Variants in ST3GAL3 observed in about 807,000 individuals in gnomAD.
The protein encoded by ST3GAL3 is CMP-N-acetylneuraminate-beta-1,4-galactoside alpha-2,3-sialyltransferase.
A neutral mutation model predicts 50.1 loss-of-function variants in ST3GAL3; 21 were observed. The ratio of observed to expected loss-of-function variants is 0.42; its 90% CI spans 0.30 to 0.60. ST3GAL3 has a LOEUF of 0.60. Ranked by LOEUF, ST3GAL3 falls within the 20% of genes least tolerant of loss-of-function variation. The pLI is 0.19. For synonymous variants in ST3GAL3, 183 were observed against 190.0 expected (o/e 0.96, Z 0.30); for missense variants, 353 against 489.4 (o/e 0.72, Z 2.63).
chr1:43,826,069 C>T (rs2062754076), intron 4 of ST3GAL3, among the ~76,000 whole-genome samples: 1 of 151,564 alleles, frequency 6.6e-6, no homozygotes, highest in Non-Finnish European at 1.5e-5. Context: ...AACTTGAGAC[C>T]AGCCTGGGCA....
chr1:43,851,352 C>A (rs372300285), intron 5 of ST3GAL3: 8 of 1,557,734 alleles, frequency 5.1e-6, no homozygotes, highest in Non-Finnish European at 3.5e-6. Flanking sequence ...TCCACCAGGG[C>A]AGTTACACTC....
At chr1:43,707,775 CG>C (rs1203069573) in intron 1 of ST3GAL3, 82 bp downstream of exon 1, 1 of 152,058 alleles carries the variant, frequency 6.6e-6, no homozygotes, top group Non-Finnish European at 1.5e-5. Flanking sequence ...CCTCCCCCGC[CG>C]GCCGCGGGTC....
chr1:43,771,884 A>C, intron 2 of ST3GAL3: 1 of 398,470 alleles, frequency 2.5e-6, no homozygotes, highest in Non-Finnish European at 4.4e-6. Context: ...TTTTTTACAG[A>C]AGATGGCCTG....
chr1:43,826,032 G>A (rs550011287), intron 4 of ST3GAL3, among the ~76,000 whole-genome samples: 14 of 152,164 alleles, frequency 9.2e-5, no homozygotes, highest in African/African-American at 2.6e-4. Context: ...TTGGAAGGCT[G>A]AGGCAGGAGG....
At chr1:43,912,622 T>C (rs1409449445) in intron 9 of ST3GAL3, 1 of 152,118 alleles carries the variant, frequency 6.6e-6, no homozygotes, top group Non-Finnish European at 1.5e-5. Flanking sequence ...GCAGGGAGCA[T>C]AGGCGTGGAC....
At chr1:43,905,192 C>T (rs1259941069) in intron 9 of ST3GAL3, among the ~76,000 whole-genome samples, 3 of 111,246 alleles carry the variant, frequency 2.7e-5, no homozygotes, top group African/African-American at 6.1e-5. Flanking sequence ...TCTCTTCCTG[C>T]CACTCTTCCT....
intron 1 of ST3GAL3, among the ~76,000 whole-genome samples, chr1:43,734,599 T>C (rs1677550523): frequency 6.6e-6 from 1 of 152,146 alleles, no homozygotes. Context: ...CGTGAGCCAC[T>C]GTGCCCAGCC....
rs1553140060 is a variant in ST3GAL3 at position 43,920,490 on chromosome 1, C to T, written c.831C>T (p.Ile277=). Residue 277 remains isoleucine, a synonymous_variant, in exon 10 of 12, where the codon ATC becomes ATT. Transcript: ENST00000347631. ...PEIRILNPYF[I]QEAAFTLIGL... Reference sequence around the variant, plus strand: ...TTCGAATCCTCAACCCATATTTCATCCAGGAGGCCGCCTTCACCCTCATTG... The same window carrying T: ...TTCGAATCCTCAACCCATATTTCATTCAGGAGGCCGCCTTCACCCTCATTG... The T allele has an allele frequency of 6.2e-7, 1 of 1,614,222 alleles. No individual in the cohort carries two copies. The highest frequency in any genetic ancestry group is 1.1e-5 in the South Asian group (1 of 91,086).
intron 3 of ST3GAL3, among the ~76,000 whole-genome samples, chr1:43,810,329 G>A (rs1384524594): frequency 1.3e-5 from 2 of 152,120 alleles, no homozygotes; most frequent in Non-Finnish European, 2.9e-5. Context: ...AGCCTCCCCT[G>A]GAGAGCCTCA....
intron 9 of ST3GAL3, 97 bp from the exon 10 acceptor site, chr1:43,920,307 C>T (rs180765821): frequency 4.3e-5 from 66 of 1,519,276 alleles, no homozygotes; most frequent in Middle Eastern, 3.8e-4. Flanking sequence ...ACGCCTCATG[C>T]TCCCGCCTCA....
rs559934453 is a variant in ST3GAL3, at chr1:43,909,229, AG to A, written c.744+9503del. Among the ~76,000 whole-genome samples, 12 of 152,370 alleles carry A rather than the reference AG, an allele frequency of 7.9e-5. No homozygotes were observed. The East Asian group carries it at 2.3e-3, about 29-fold the overall frequency. On this transcript the variant is annotated intron_variant, in intron 9 of 11. Coordinates refer to ENST00000347631, the MANE Select transcript of ST3GAL3 (RefSeq NM_006279.5). Reference sequence around the variant, plus strand: ...TTCTAACTCCAAACTCCTGCCTCTCAGTCAGGCTCTTTCCTCTCAACTAGGC... The same window carrying A: ...TTCTAACTCCAAACTCCTGCCTCTCATCAGGCTCTTTCCTCTCAACTAGGC...
At chr1:43,848,455 G>T (rs1313584043) in intron 5 of ST3GAL3, among the ~76,000 whole-genome samples, 1 of 151,552 alleles carries the variant, frequency 6.6e-6, no homozygotes, top group African/African-American at 2.4e-5. Context: ...ACAAGCATGC[G>T]CCACCACACC....
At chr1:43,753,875 G>A (rs3791043) in intron 2 of ST3GAL3, among the ~76,000 whole-genome samples, 1 of 151,884 alleles carries the variant, frequency 6.6e-6, no homozygotes, top group Non-Finnish European at 1.5e-5. Context: ...CCTCCTGCTG[G>A]ACCTGGAAGG....
intron 1 of ST3GAL3, among the ~76,000 whole-genome samples, chr1:43,718,436 G>C (rs1169380163): frequency 6.6e-6 from 1 of 151,404 alleles, no homozygotes; most frequent in South Asian, 2.1e-4. Flanking sequence ...TGATCCGCCC[G>C]CCTCGGCCTC....
At chr1:43,839,397 T>G (rs1035227689) in intron 5 of ST3GAL3, 2 of 152,170 alleles carry the variant, frequency 1.3e-5, no homozygotes, top group African/African-American at 2.4e-5. Flanking sequence ...TAACACAGGT[T>G]TTTGCAAGCC....
At chr1:43,800,056 C>T (rs946819367) in intron 3 of ST3GAL3, among the ~76,000 whole-genome samples, 5 of 152,072 alleles carry the variant, frequency 3.3e-5, no homozygotes, top group African/African-American at 1.2e-4. Flanking sequence ...GGGCCAAGGA[C>T]ATGTCATGCT....
Position 43,894,424 on chromosome 1 carries a change from G to A in ST3GAL3, c.344G>A (p.Arg115His), listed in dbSNP as rs767108992. ...CCCATGTTCCTGGATGACTCCTTTC[G>A]CAAGTGGGCTAGAATCCGGGAGTTC... ...PAPMFLDDSFRKWARIREFVP... is the reference protein window; with the variant it reads ...PAPMFLDDSFHKWARIREFVP... Residue 115 changes from arginine (R) to histidine (H), a missense_variant, in exon 6 of 12, where the codon CGC (arginine) becomes CAC (histidine). By Grantham distance (29) the Arg-to-His change is conservative (BLOSUM62 0). Transcript: ENST00000347631. The A allele has an allele frequency of 2.0e-5, 33 of 1,613,974 alleles. No individual in the cohort carries two copies. Among genetic ancestry groups the A allele is most frequent in the African/African-American group, 2.0e-4 (15 of 74,878 alleles).
At chr1:43,850,632 C>A in intron 5 of ST3GAL3, 2 of 756,748 alleles carry the variant, frequency 2.6e-6, no homozygotes, top group East Asian at 2.5e-5. Flanking sequence ...CTTCTCAGCC[C>A]TTCTGCCATC....
chr1:43,858,286 A>T, intron 5 of ST3GAL3: 1 of 1,285,316 alleles, frequency 7.8e-7, no homozygotes, highest in Non-Finnish European at 1.0e-6. Context: ...GTGAAGTCTG[A>T]TGCCTGAACT....
Sources: allele counts gnomAD v4.1 joint callset (sites outside exome capture counted in the v4.1 genomes callset), GRCh38; gene constraint gnomAD v4.1.1; transcripts MANE v1.5; gene names NCBI Gene and HGNC (gene_info 2026-07-23, HGNC 2026-07-21).